Variants in NR5A2 observed in about 807,000 individuals in gnomAD.
NR5A2 encodes the protein CYP7A promoter-binding factor.
NR5A2 carries 26 observed loss-of-function variants against 62.7 expected under a neutral mutation model. The observed-to-expected ratio is 0.41, with a 90% confidence interval of 0.30 to 0.58. The LOEUF (loss-of-function observed/expected upper bound fraction) is 0.58, where lower values mean the gene tolerates loss of function less well. NR5A2 is among the 20% of genes least tolerant of loss of function. The pLI is 0.22. For synonymous variants in NR5A2, 246 were observed against 241.7 expected, an observed-to-expected ratio of 1.02 and a Z score of -0.16; for missense variants, 541 against 669.1, an observed-to-expected ratio of 0.81 and a Z score of 2.11.
rs946729064 is a variant in NR5A2, at chr1:200,147,156, C to G, written c.1378+26201C>G. ...TTTCCGAAAAAAGTGGGCTGTGATG[C>G]AAGGTACTGTGAGATAAAGAAGCAA... On this transcript the variant is annotated intron_variant, in intron 7 of 7. Coordinates refer to ENST00000367362, the MANE Select transcript of NR5A2 (RefSeq NM_205860.3). The surrounding 1 kb of genome is among the most constrained non-coding windows in gnomAD (Gnocchi z 4.9). 1.3e-5 allele frequency among the ~76,000 whole-genome samples: 2 copies of G among 152,162 alleles called. No homozygotes were observed. Among genetic ancestry groups the G allele is most frequent in the African/African-American group, 4.8e-5 (2 of 41,414 alleles).
intron 5 of NR5A2, among the ~76,000 whole-genome samples, chr1:200,099,395 A>G (rs1246087173): frequency 6.6e-6 from 1 of 150,898 alleles, no homozygotes; most frequent in Non-Finnish European, 1.5e-5. Flanking sequence ...AAGAAGTTGC[A>G]TTAAATGACC....
chr1:200,154,665 G>T (rs917621361), intron 7 of NR5A2, among the ~76,000 whole-genome samples: 1 of 152,192 alleles, frequency 6.6e-6, no homozygotes, highest in Non-Finnish European at 1.5e-5. Flanking sequence ...TCTGACCTGG[G>T]CAACATAGTG....
chr1:200,072,569 G>T (rs936320514), intron 5 of NR5A2, among the ~76,000 whole-genome samples: 1 of 152,112 alleles, frequency 6.6e-6, no homozygotes, highest in African/African-American at 2.4e-5. Context: ...GGAAGTGGGA[G>T]TAAAATATTT....
intron 2 of NR5A2, chr1:200,042,802 C>T (rs963132701): frequency 4.1e-6 from 4 of 985,410 alleles, no homozygotes; most frequent in Middle Eastern, 5.2e-4. Context: ...CCTGGGGTCT[C>T]CTGGTCACTG....
intron 7 of NR5A2, among the ~76,000 whole-genome samples, chr1:200,160,053 G>A (rs549981032): frequency 2.0e-4 from 31 of 152,222 alleles, no homozygotes; most frequent in Admixed American, 1.2e-3. Context: ...CCTTTTCTGC[G>A]TGAGCTGGTA....
In NR5A2 at chr1:200,035,750, C is replaced by A. The variant is rs537297704; in HGVS notation, c.65-3908C>A. 1.6e-4 allele frequency among the ~76,000 whole-genome samples: 25 copies of A among 152,230 alleles called. No individual in the cohort carries two copies. In the East Asian group the frequency reaches 4.3e-3, roughly 26 times the overall value. The stretch of plus-strand genomic sequence containing the variant: ...CTTCGTAATTGCAACCGTCAATCAA[C>A]ACTTTAAGACAAAGTCAGAACCGGG... On this transcript the variant is annotated intron_variant, in intron 1 of 7. Coordinates refer to ENST00000367362, the MANE Select transcript of NR5A2 (RefSeq NM_205860.3).
intron 7 of NR5A2, among the ~76,000 whole-genome samples, chr1:200,122,110 G>T (rs527874552): frequency 6.6e-6 from 1 of 152,278 alleles, no homozygotes; most frequent in Non-Finnish European, 1.5e-5. Flanking sequence ...ATGGACAACA[G>T]AATTTCATGG....
intron 5 of NR5A2, among the ~76,000 whole-genome samples, chr1:200,091,673 T>C (rs1664822761): frequency 6.6e-6 from 1 of 151,892 alleles, no homozygotes; most frequent in African/African-American, 2.4e-5. Context: ...TTAATAGAGA[T>C]CGGGTTTCAC....
At chr1:200,117,823 C>A (rs143512594) in intron 6 of NR5A2, among the ~76,000 whole-genome samples, 1 of 151,804 alleles carries the variant, frequency 6.6e-6, no homozygotes, top group Admixed American at 6.6e-5. Flanking sequence ...AAACGATTCT[C>A]CAGCCTCAGC....
At chr1:200,045,699 A>T in intron 4 of NR5A2, 115 bp downstream of exon 4, 1 of 750,636 alleles carries the variant, frequency 1.3e-6, no homozygotes, top group African/African-American at 1.8e-5. Context: ...AACACTACCG[A>T]CAATACTGTA....
Position 200,102,842 on chromosome 1 carries a change from T to C in NR5A2, c.1111-8360T>C, listed in dbSNP as rs368352180. Among the ~76,000 whole-genome samples the C allele has an allele frequency of 7.9e-5, 12 of 152,338 alleles. No individual in the cohort carries two copies. In the East Asian group the frequency reaches 1.7e-3, roughly 22 times the overall value. Reference sequence around the variant, plus strand: ...TTACATGAATATAGGAATGATAGTATGGGATGGAGTTGATCAGGGAAGACT... The same window carrying C: ...TTACATGAATATAGGAATGATAGTACGGGATGGAGTTGATCAGGGAAGACT... On this transcript the variant is annotated intron_variant, in intron 5 of 7. Transcript: ENST00000367362.
In NR5A2 at chr1:200,031,404, T is replaced by C. The variant is rs1370414726; in HGVS notation, c.64+3493T>C. Among the ~76,000 whole-genome samples the C allele has an allele frequency of 3.3e-5, 5 of 151,984 alleles. No homozygotes were observed. The East Asian group carries it at 9.7e-4, about 29-fold the overall frequency. On this transcript the variant is annotated intron_variant, in intron 1 of 7. Coordinates refer to ENST00000367362, the MANE Select transcript of NR5A2 (RefSeq NM_205860.3). ...TGGTGGCATGTGCCTGTAGTCCTAGTGACTAGGGCTTGGGGGTTGAGGTAG... is the reference window on the plus strand; with the variant it reads ...TGGTGGCATGTGCCTGTAGTCCTAGCGACTAGGGCTTGGGGGTTGAGGTAG...
chr1:200,146,735 A>G (rs1667717660), intron 7 of NR5A2, among the ~76,000 whole-genome samples: 1 of 152,224 alleles, frequency 6.6e-6, no homozygotes, highest in Admixed American at 6.5e-5. Context: ...AAAATTAATG[A>G]ACAAATTACC....
chr1:200,153,957 A>G (rs1042671569), intron 7 of NR5A2, among the ~76,000 whole-genome samples: 2 of 152,254 alleles, frequency 1.3e-5, no homozygotes, highest in East Asian at 3.8e-4. Flanking sequence ...AAATTAGTTC[A>G]TATGTCAAAA....
chr1:200,118,723 C>T (rs1666353933), intron 6 of NR5A2, among the ~76,000 whole-genome samples: 1 of 152,198 alleles, frequency 6.6e-6, no homozygotes, highest in Non-Finnish European at 1.5e-5. Context: ...ATAGCATAGG[C>T]ACCTTTTTAA....
chr1:200,107,122 G>C (rs1665715424), intron 5 of NR5A2, among the ~76,000 whole-genome samples: 1 of 152,186 alleles, frequency 6.6e-6, no homozygotes, highest in African/African-American at 2.4e-5. Context: ...TGTGAGAAGG[G>C]TCAGATGCAA....
chr1:200,170,646 T>C (rs901573790), intron 7 of NR5A2, among the ~76,000 whole-genome samples: 6 of 152,174 alleles, frequency 3.9e-5, no homozygotes, highest in African/African-American at 1.4e-4. Flanking sequence ...GTCCGCAGCA[T>C]CCCAGGGACT....
intron 6 of NR5A2, among the ~76,000 whole-genome samples, chr1:200,119,386 G>T (rs1571509758): frequency 6.6e-6 from 1 of 152,126 alleles, no homozygotes; most frequent in Admixed American, 6.5e-5. Context: ...GGCAGATGAG[G>T]ACTTGCCTCC....
chr1:200,045,624 C>T, intron 4 of NR5A2, 40 bp downstream of exon 4: 1 of 1,551,496 alleles, frequency 6.4e-7, no homozygotes, highest in Non-Finnish European at 8.7e-7. Flanking sequence ...TAAAACTCTC[C>T]AAGGACATGA....
Sources: allele counts gnomAD v4.1 joint callset (sites outside exome capture counted in the v4.1 genomes callset), GRCh38; gene constraint gnomAD v4.1.1; non-coding constraint Gnocchi (gnomAD v3.1); transcripts MANE v1.5; gene names NCBI Gene and HGNC (gene_info 2026-07-23, HGNC 2026-07-21).